YBEY: variants seen among roughly 807,000 people sequenced by gnomAD.
YBEY encodes the protein endoribonuclease YbeY.
Under a neutral mutation model 13.5 loss-of-function variants are expected in YBEY, and 15 were observed. The ratio of observed to expected loss-of-function variants is 1.11; its 90% CI spans 0.75 to 1.72. The LOEUF (loss-of-function observed/expected upper bound fraction) is 1.72. Among genes scored for constraint, YBEY ranks in the 40% most tolerant of loss-of-function variants. The pLI is 0.00. For synonymous variants in YBEY, 101 were observed against 83.1 expected, an observed-to-expected ratio of 1.21 and a Z score of -1.17; for missense variants, 244 against 208.4, an observed-to-expected ratio of 1.17 and a Z score of -1.05.
the YBEY span, among the ~76,000 whole-genome samples, chr21:46,311,948 C>A: frequency 6.8e-6 from 1 of 146,844 alleles, no homozygotes. Flanking sequence ...ACCATCCACC[C>A]ACCCATCCAT....
chr21:46,301,126 C>A (rs1490503701), downstream of YBEY: 11 of 973,590 alleles, frequency 1.1e-5, no homozygotes, highest in Admixed American at 6.8e-5. Flanking sequence ...ACGTCATACA[C>A]AGCTTGCTTC....
chr21:46,296,294 C>G, intron 4 of YBEY, 64 bp downstream of exon 4: 1 of 1,587,448 alleles, frequency 6.3e-7, no homozygotes, highest in Non-Finnish European at 8.6e-7. Context: ...CCCCAGGCCC[C>G]TGCCAGCCCC....
chr21:46,295,351 C>T (rs1417086276), intron 3 of YBEY, among the ~76,000 whole-genome samples: 30 of 151,932 alleles, frequency 2.0e-4, no homozygotes, highest in Middle Eastern at 3.4e-3. Context: ...TCCCGCCAGC[C>T]CCAAGGATAC....
chr21:46,302,451 C>T, downstream of YBEY: 1 of 1,526,612 alleles, frequency 6.6e-7, no homozygotes, highest in Non-Finnish European at 9.0e-7. Flanking sequence ...GCCCTGTTTC[C>T]TTGGCCTAGG....
At chr21:46,313,174 T>C in the YBEY span, 124 of 450,276 alleles carry the variant, frequency 2.8e-4, no homozygotes, top group African/African-American at 2.2e-3. Context: ...CTACGGACAA[T>C]GTGGAAACAA....
chr21:46,307,057 G>A, the YBEY span, among the ~76,000 whole-genome samples: 1 of 151,718 alleles, frequency 6.6e-6, no homozygotes, highest in Non-Finnish European at 1.5e-5. Flanking sequence ...CACCACACCT[G>A]GCTGATTTTT....
At chr21:46,289,095 G>A (rs948362444) in intron 2 of YBEY, among the ~76,000 whole-genome samples, 1 of 152,202 alleles carries the variant, frequency 6.6e-6, no homozygotes, top group South Asian at 2.1e-4. Context: ...ATAGGTGACT[G>A]GCTTAGTGTG....
At chr21:46,295,013 A>G (rs943516583) in intron 3 of YBEY, among the ~76,000 whole-genome samples, 1 of 152,256 alleles carries the variant, frequency 6.6e-6, no homozygotes, top group East Asian at 1.9e-4. Flanking sequence ...CTGCTGGGGA[A>G]GAGGGAGTTT....
At chr21:46,305,667 C>T in the YBEY span, among the ~76,000 whole-genome samples, 3 of 152,022 alleles carry the variant, frequency 2.0e-5, no homozygotes, top group African/African-American at 4.8e-5. Flanking sequence ...TGGCCGGGCG[C>T]GGTGGCTCAC....
At chr21:46,300,350 G>A (rs534046081), downstream of YBEY, 135 of 159,804 alleles carry the variant, frequency 8.4e-4, 1 homozygote, top group Middle Eastern at 0.013. Flanking sequence ...AGAATGGCAT[G>A]AACCTGGGAG....
At chr21:46,310,491 T>TA in the YBEY span, among the ~76,000 whole-genome samples, 65 of 121,562 alleles carry the variant, frequency 5.3e-4, no homozygotes, top group South Asian at 2.7e-3. Flanking sequence ...ACAAAAAAAA[T>TA]AAAAATAAAA....
In YBEY at chr21:46,294,680, G is replaced by A. The variant is rs544504964; in HGVS notation, c.340-1482G>A. Reference sequence around the variant, plus strand: ...CCCGCGGTTAGCCTGACCCGTGCCCGGGACTCAGTGGAGTCAGCCACCCCA... The same window carrying A: ...CCCGCGGTTAGCCTGACCCGTGCCCAGGACTCAGTGGAGTCAGCCACCCCA... On this transcript the variant is annotated intron_variant, in intron 3 of 4. Coordinates refer to ENST00000397701, the MANE Select transcript of YBEY (RefSeq NM_001314025.2). Among the ~76,000 whole-genome samples the A allele has an allele frequency of 5.0e-4, 76 of 150,764 alleles. 10 individuals carry two copies. The highest frequency in any genetic ancestry group is 1.6e-3 in the African/African-American group (67 of 40,838).
chr21:46,290,517 T>C (rs1452196829), intron 2 of YBEY, among the ~76,000 whole-genome samples: 1 of 151,942 alleles, frequency 6.6e-6, no homozygotes, highest in African/African-American at 2.4e-5. Context: ...CTGACAATTT[T>C]CACAATGGAA....
At chr21:46,299,651 C>A (rs2082059307), downstream of YBEY, among the ~76,000 whole-genome samples, 1 of 152,174 alleles carries the variant, frequency 6.6e-6, no homozygotes, top group African/African-American at 2.4e-5. Context: ...GGCTCTGACC[C>A]ATGCATATGT....
At chr21:46,294,692 A>G (rs574730016) in intron 3 of YBEY, among the ~76,000 whole-genome samples, 8 of 151,534 alleles carry the variant, frequency 5.3e-5, no homozygotes, top group South Asian at 2.1e-4. Context: ...GACTCAGTGG[A>G]GTCAGCCACC....
At chr21:46,290,734 C>T (rs1248962426) in intron 2 of YBEY, among the ~76,000 whole-genome samples, 1 of 151,144 alleles carries the variant, frequency 6.6e-6, no homozygotes, top group African/African-American at 2.4e-5. Context: ...TATGATGAAA[C>T]CCCATCTCTA....
chr21:46,310,629 C>T, the YBEY span, among the ~76,000 whole-genome samples: 8 of 151,516 alleles, frequency 5.3e-5, no homozygotes, highest in Non-Finnish European at 8.8e-5. Flanking sequence ...GCCAAAATGG[C>T]GAAAACCCAC....
At chr21:46,312,105 A>G in the YBEY span, among the ~76,000 whole-genome samples, 1 of 152,084 alleles carries the variant, frequency 6.6e-6, no homozygotes, top group African/African-American at 2.4e-5. Context: ...CCAGCCAACC[A>G]TCTACCTACA....
At chr21:46,297,141 A>C (rs1843716418) in intron 4 of YBEY, among the ~76,000 whole-genome samples, 1 of 151,556 alleles carries the variant, frequency 6.6e-6, no homozygotes, top group African/African-American at 2.4e-5. Context: ...TCTACTAAAA[A>C]CGCAAAGATT....
Sources: allele counts gnomAD v4.1 joint callset (sites outside exome capture counted in the v4.1 genomes callset), GRCh38; gene constraint gnomAD v4.1.1; transcripts MANE v1.5; gene names NCBI Gene and HGNC (gene_info 2026-07-23, HGNC 2026-07-21).